The following PRKN variants were observed in gnomAD, a reference collection of about 807,000 sequenced individuals.
The protein encoded by PRKN is parkin RBR E3 ubiquitin protein ligase, also known as E3 ubiquitin-protein ligase parkin.
A neutral mutation model predicts 59.5 loss-of-function variants in PRKN; 56 were observed. That is an observed-to-expected ratio of 0.94 (90% CI 0.76 to 1.18). The LOEUF is 1.18. PRKN is among the 50% of genes most tolerant of loss of function. PRKN has a pLI of 0.00. For missense variants in PRKN, 657 were observed against 596.4 expected, an observed-to-expected ratio of 1.10 and a Z score of -1.06; for synonymous variants, 250 against 222.1, an observed-to-expected ratio of 1.13 and a Z score of -1.12.
chr6:161,934,281 G>A (rs549941402), intron 6 of PRKN, among the ~76,000 whole-genome samples: 6 of 152,290 alleles, frequency 3.9e-5, no homozygotes, highest in African/African-American at 1.4e-4. Flanking sequence ...CCCCAGACAT[G>A]TGGAACTGTG....
chr6:162,201,525 G>T (rs991725414), intron 3 of PRKN, among the ~76,000 whole-genome samples: 3 of 152,196 alleles, frequency 2.0e-5, no homozygotes, highest in African/African-American at 4.8e-5. Context: ...AATCGGGCAA[G>T]TGTATCTGCA....
At chr6:161,748,959 G>A (rs9458351) in intron 7 of PRKN, among the ~76,000 whole-genome samples, 1,917 of 152,252 alleles carry the variant, frequency 0.013, 43 homozygotes, top group African/African-American at 0.043. Context: ...CAGACAAAGC[G>A]AAACAAAACA....
At chr6:162,230,673 G>A (rs1179227798) in intron 3 of PRKN, among the ~76,000 whole-genome samples, 3 of 152,108 alleles carry the variant, frequency 2.0e-5, no homozygotes, top group Admixed American at 2.0e-4. Flanking sequence ...AATAGAGGAG[G>A]GTCACAGAAA....
chr6:161,525,451 A>G lies in PRKN; in HGVS notation c.1083+23403T>C, dbSNP rs2115369446. ...TCTTGCTTTCAGCTTTGCCCTCTAA[A>G]TACTGGAATAAAAGGGCCAACAGGT... On this transcript the variant is annotated intron_variant, in intron 9 of 11. Coordinates refer to ENST00000366898, the MANE Select transcript of PRKN (RefSeq NM_004562.3). The surrounding 1 kb of genome is among the most constrained non-coding windows in gnomAD (Gnocchi z 4.7). Among the ~76,000 whole-genome samples the G allele has an allele frequency of 6.6e-6, 1 of 152,280 alleles. No individual in the cohort carries two copies. Among genetic ancestry groups the G allele is most frequent in the East Asian group, 1.9e-4 (1 of 5,184 alleles).
At chr6:162,106,776 G>C (rs1780209690) in intron 4 of PRKN, among the ~76,000 whole-genome samples, 1 of 152,088 alleles carries the variant, frequency 6.6e-6, no homozygotes, top group Non-Finnish European at 1.5e-5. Flanking sequence ...CTTGTCCTGG[G>C]GACTGAACTA....
chr6:162,395,902 T>C (rs1281889364), intron 2 of PRKN, among the ~76,000 whole-genome samples: 1 of 152,236 alleles, frequency 6.6e-6, no homozygotes, highest in East Asian at 1.9e-4. Context: ...GTTTAAATTC[T>C]GTCTTCCTCA....
intron 1 of PRKN, among the ~76,000 whole-genome samples, chr6:162,712,384 C>T (rs1401714326): frequency 1.3e-5 from 2 of 152,130 alleles, no homozygotes; most frequent in Non-Finnish European, 2.9e-5. Context: ...AGCATAGGTA[C>T]TGCTTGCTAT....
chr6:162,110,271 C>A (rs1196385705), intron 4 of PRKN, among the ~76,000 whole-genome samples: 1 of 152,134 alleles, frequency 6.6e-6, no homozygotes, highest in Non-Finnish European at 1.5e-5. Flanking sequence ...CACAGACACA[C>A]ATACACATAT....
chr6:161,496,267 C>T (rs902771021), intron 9 of PRKN, among the ~76,000 whole-genome samples: 1 of 152,162 alleles, frequency 6.6e-6, no homozygotes, highest in African/African-American at 2.4e-5. Context: ...AGTTGTATCC[C>T]TTACAAAGAT....
At chr6:161,787,516 A>C (rs1790468835) in intron 6 of PRKN, among the ~76,000 whole-genome samples, 1 of 152,240 alleles carries the variant, frequency 6.6e-6, no homozygotes, top group Non-Finnish European at 1.5e-5. Context: ...CACAGCTGTT[A>C]TGTGAAAAAT....
intron 3 of PRKN, among the ~76,000 whole-genome samples, chr6:162,245,763 T>G (rs1405628805): frequency 6.6e-6 from 1 of 152,162 alleles, no homozygotes; most frequent in Non-Finnish European, 1.5e-5. Flanking sequence ...CTCACAATAA[T>G]CTATTTCCCT....
intron 2 of PRKN, among the ~76,000 whole-genome samples, chr6:162,378,032 C>G (rs1054783760): frequency 2.0e-5 from 3 of 152,148 alleles, no homozygotes; most frequent in Non-Finnish European, 2.9e-5. Flanking sequence ...ACAATCCATT[C>G]CCTTTCTCGT....
chr6:162,594,874 T>A (rs1204119293), intron 1 of PRKN, among the ~76,000 whole-genome samples: 2 of 152,192 alleles, frequency 1.3e-5, no homozygotes, highest in Non-Finnish European at 1.5e-5. Context: ...CTCTGAATAA[T>A]CTTTCAGAAA....
Position 161,811,809 on chromosome 6 carries a change from C to T in PRKN, c.735-25901G>A, listed in dbSNP as rs908321741. On this transcript the variant is annotated intron_variant, in intron 6 of 11. Coordinates refer to ENST00000366898, the MANE Select transcript of PRKN (RefSeq NM_004562.3). ...GTGGTGGCATGCACCTGTAGTCCCGCTACTCAGGAGGCTGAGGCAGGGGTA... is the reference window on the plus strand; with the variant it reads ...GTGGTGGCATGCACCTGTAGTCCCGTTACTCAGGAGGCTGAGGCAGGGGTA... 5.3e-5 allele frequency among the ~76,000 whole-genome samples: 8 copies of T among 152,034 alleles called. No homozygotes were observed. The South Asian group carries it at 8.3e-4, about 16-fold the overall frequency.
chr6:162,153,843 C>T (rs1370644381), intron 4 of PRKN, among the ~76,000 whole-genome samples: 1 of 152,106 alleles, frequency 6.6e-6, no homozygotes, highest in African/African-American at 2.4e-5. Context: ...CCCCTCTCTA[C>T]CAGCTGAGCC....
intron 6 of PRKN, among the ~76,000 whole-genome samples, chr6:161,883,434 C>T (rs1401881115): frequency 3.4e-5 from 5 of 146,736 alleles, no homozygotes; most frequent in Non-Finnish European, 7.4e-5. Flanking sequence ...TTGCAGTGAG[C>T]TGAGATAGCG....
At chr6:161,574,826 T>C (rs777793581) in intron 7 of PRKN, among the ~76,000 whole-genome samples, 8 of 152,208 alleles carry the variant, frequency 5.3e-5, no homozygotes, top group Non-Finnish European at 8.8e-5. Flanking sequence ...ATGGGACATA[T>C]TCTCTTTGCT....
At chr6:161,961,528 T>C (rs1002421100) in intron 6 of PRKN, among the ~76,000 whole-genome samples, 6 of 152,086 alleles carry the variant, frequency 3.9e-5, no homozygotes, top group African/African-American at 9.7e-5. Context: ...CCTAAAGAAA[T>C]AAAGTTTGGG....
chr6:161,619,943 C>T (rs535090974), intron 7 of PRKN, among the ~76,000 whole-genome samples: 120 of 147,046 alleles, frequency 8.2e-4, no homozygotes, highest in Non-Finnish European at 1.6e-3. Context: ...TATTAGAAAG[C>T]TTACAATTCT....
Sources: allele counts gnomAD v4.1 joint callset (sites outside exome capture counted in the v4.1 genomes callset), GRCh38; gene constraint gnomAD v4.1.1; non-coding constraint Gnocchi (gnomAD v3.1); transcripts MANE v1.5; gene names NCBI Gene and HGNC (gene_info 2026-07-23, HGNC 2026-07-21).